The following CAVIN4 variants were observed in gnomAD, a reference collection of about 807,000 sequenced individuals.
CAVIN4 encodes the protein caveolae associated protein 4.
A neutral mutation model predicts 18.6 loss-of-function variants in CAVIN4; 10 were observed. The ratio of observed to expected loss-of-function variants is 0.54; its 90% confidence interval spans 0.33 to 0.91. CAVIN4 has a LOEUF of 0.91. Ranked by LOEUF, CAVIN4 falls within the 40% of genes least tolerant of loss-of-function variation. CAVIN4 has a pLI of 0.02. For synonymous variants in CAVIN4, 173 were observed against 164.8 expected (o/e 1.05, Z -0.38); for missense variants, 459 against 440.5 (o/e 1.04, Z -0.38).
chr9:100,586,116 A>C lies in CAVIN4; in HGVS notation c.760A>C (p.Arg254=), dbSNP rs776866140. 3.8e-6 allele frequency: 6 copies of C among 1,591,928 alleles called. No individual in the cohort carries two copies. The highest frequency in any genetic ancestry group is 5.1e-6 in the Non-Finnish European group (6 of 1,170,130). Residue 254 remains arginine (R), a synonymous_variant, in exon 2 of 2, where the codon AGG becomes CGG. Transcript: ENST00000307584. ...SGERLRQSGE[R]FKKSISNAAP... is the part of the protein sequence containing the mutation. ...GGAGAGGCTGAGACAGTCAGGGGAG[A>C]GGTTTAAGAAATCTATTTCTAATGC...
In CAVIN4 at chr9:100,580,090, A is replaced by G. The variant is rs564590265; in HGVS notation, c.408+1539A>G. 5.2e-3 allele frequency among the ~76,000 whole-genome samples: 499 copies of G among 95,064 alleles called. 5 individuals carry two copies. Among genetic ancestry groups the G allele is most frequent in the African/African-American group, 0.019 (431 of 23,158 alleles). The allele number at this position is 95,064 out of a possible 152,430, so 62.4% of individuals were successfully genotyped here. ...CCTTCTATAGGCTTAAAAATTTGGG[A>G]AAAAAAAAAAAAGCCTGGGCAATGT... On this transcript the variant is annotated intron_variant, in intron 1 of 1. Coordinates refer to ENST00000307584, the MANE Select transcript of CAVIN4 (RefSeq NM_001018116.2).
rs1353679589 is a variant in CAVIN4, at chr9:100,588,385, G to GA, written c.*1938dup. On this transcript the variant is annotated 3_prime_UTR_variant, in exon 2 of 2. Transcript: ENST00000307584. Reference sequence around the variant, plus strand: ...AGAACCATAATAAATTTGAATTTAAGAAAATGTTATTACAACATTTGATGT... The same window carrying GA: ...AGAACCATAATAAATTTGAATTTAAGAAAAATGTTATTACAACATTTGATGT... 1.3e-5 allele frequency among the ~76,000 whole-genome samples: 2 copies of GA among 152,152 alleles called. No individual in the cohort carries two copies. The highest frequency in any genetic ancestry group is 2.9e-5 in the Non-Finnish European group (2 of 68,032).
rs774296038 is a variant in CAVIN4, at chr9:100,586,025, T to C, written c.669T>C (p.Thr223=). 18 of 1,613,980 alleles carry C rather than the reference T, an allele frequency of 1.1e-5. No homozygotes were observed. Among genetic ancestry groups the C allele is most frequent in the Middle Eastern group, 1.6e-4 (1 of 6,082 alleles). Residue 223 remains threonine (T), a synonymous_variant, in exon 2 of 2, where the codon ACT becomes ACC. Coordinates refer to ENST00000307584, the MANE Select transcript of CAVIN4 (RefSeq NM_001018116.2). Reference sequence around the variant, plus strand: ...ACAAGAAAGTGAACAGAATTAGAACTAGAATAGTGACCCCGGAGAGGAGAG... The same window carrying C: ...ACAAGAAAGTGAACAGAATTAGAACCAGAATAGTGACCCCGGAGAGGAGAG... ...NLDKKVNRIR[T]RIVTPERRER...
intron 1 of CAVIN4, among the ~76,000 whole-genome samples, chr9:100,581,821 C>T (rs1340017801): frequency 6.6e-6 from 1 of 152,134 alleles, no homozygotes; most frequent in Non-Finnish European, 1.5e-5. Context: ...CCGTGCCAAC[C>T]CACATTGTGT....
intron 1 of CAVIN4, among the ~76,000 whole-genome samples, chr9:100,580,342 G>A (rs1839415013): frequency 6.6e-6 from 1 of 152,082 alleles, no homozygotes; most frequent in Non-Finnish European, 1.5e-5. Context: ...GATTTTCAGA[G>A]GCCAGTTCCA....
Position 100,586,029 on chromosome 9 carries a change from A to T in CAVIN4, c.673A>T (p.Ile225Leu). Residue 225 changes from isoleucine (I) to leucine (L), a missense_variant, in exon 2 of 2, where the codon ATA (isoleucine) becomes TTA (leucine). By Grantham distance (5) the Ile-to-Leu change is conservative (BLOSUM62 2). Coordinates refer to ENST00000307584, the MANE Select transcript of CAVIN4 (RefSeq NM_001018116.2). ...GAAAGTGAACAGAATTAGAACTAGA[A>T]TAGTGACCCCGGAGAGGAGAGAGAG... ...DKKVNRIRTR[I>L]VTPERRERLR... 6.2e-7 allele frequency: 1 copy of T among 1,614,210 alleles called. No individual in the cohort carries two copies. The highest frequency in any genetic ancestry group is 8.5e-7 in the Non-Finnish European group (1 of 1,180,022).
chr9:100,586,337 T>G lies in CAVIN4; in HGVS notation c.981T>G (p.Pro327=), dbSNP rs1191930325. ...ACGAGGCAGCCAGGCCGGTGTATCC[T>G]CCCCATGAAGGAAGGGAAATCCCCA... is the stretch of plus-strand genomic sequence containing the variant. ...PEHEAARPVY[P]PHEGREIPTP... The change falls in exon 2 of 2, where the codon CCT becomes CCG. Residue 327 remains proline, a synonymous_variant. Coordinates refer to ENST00000307584, the MANE Select transcript of CAVIN4 (RefSeq NM_001018116.2). 3.1e-6 allele frequency: 5 copies of G among 1,613,950 alleles called. No homozygotes were observed. The highest frequency in any genetic ancestry group is 1.7e-5 in the Admixed American group (1 of 59,998).
intron 1 of CAVIN4, chr9:100,581,436 T>A (rs1839426491): frequency 1.3e-5 from 2 of 152,338 alleles, no homozygotes; most frequent in South Asian, 4.1e-4. Flanking sequence ...AGCACAGTAT[T>A]CATTCTGTTA....
At position 100,578,249 on chromosome 9, in the gene CAVIN4, G is replaced by C. The variant is rs879571284; in HGVS notation, c.106G>C (p.Val36Leu). 3 of 1,614,014 alleles carry C rather than the reference G, an allele frequency of 1.9e-6. No individual in the cohort carries two copies. In the African/African-American group the frequency reaches 4.0e-5, roughly 22 times the overall value. Residue 36 changes from valine (V) to leucine (L), a missense_variant, in exon 1 of 2, where the codon GTG (valine) becomes CTG (leucine). Val to Leu is a conservative substitution (Grantham distance 32, BLOSUM62 1). Transcript: ENST00000307584. ...DQDAALTIVT[V>L]LDKVASIVDS... Reference sequence around the variant, plus strand: ...AGACGCTGCTCTTACCATTGTGACTGTGCTGGACAAAGTAGCCTCCATCGT... The same window carrying C: ...AGACGCTGCTCTTACCATTGTGACTCTGCTGGACAAAGTAGCCTCCATCGT...
intron 1 of CAVIN4, among the ~76,000 whole-genome samples, chr9:100,585,022 G>A (rs961686265): frequency 1.3e-5 from 2 of 152,208 alleles, no homozygotes; most frequent in Non-Finnish European, 2.9e-5. Context: ...TGAGCTCTTC[G>A]TTGAGTATTG....
chr9:100,586,171 G>T lies in CAVIN4; in HGVS notation c.815G>T (p.Arg272Leu). The change falls in exon 2 of 2, where the codon CGC becomes CTC. Residue 272 changes from arginine (R) to leucine (L), a missense_variant. Arg to Leu is a moderately radical substitution (Grantham distance 102, BLOSUM62 -2). Transcript: ENST00000307584. ...CCCTCAAAGGAAGCTTTTAAGATGCGCAGCCTCAGGAAAGGTAAGGACCGA... is the reference window on the plus strand; with the variant it reads ...CCCTCAAAGGAAGCTTTTAAGATGCTCAGCCTCAGGAAAGGTAAGGACCGA... ...AAPSKEAFKM[R>L]SLRKGKDRTV... 1 of 1,561,790 alleles carries T rather than the reference G, an allele frequency of 6.4e-7. No individual in the cohort carries two copies.
At chr9:100,580,661 T>C (rs1228763057) in intron 1 of CAVIN4, among the ~76,000 whole-genome samples, 1 of 152,240 alleles carries the variant, frequency 6.6e-6, no homozygotes, top group Non-Finnish European at 1.5e-5. Context: ...CTGCTAATTG[T>C]TCCTTTCTTT....
At chr9:100,581,632 ACTC>A (rs2118605773) in intron 1 of CAVIN4, among the ~76,000 whole-genome samples, 1 of 151,514 alleles carries the variant, frequency 6.6e-6, no homozygotes, top group East Asian at 1.9e-4. Context: ...TTCTGACTCT[ACTC>A]CTGTTTTGTT....
Position 100,578,351 on chromosome 9 carries a change from A to C in CAVIN4, c.208A>C (p.Ile70Leu), listed in dbSNP as rs1213918348. ...EMENAIKSVQIDLLKLSQSHS... is the reference protein window; with the variant it reads ...EMENAIKSVQLDLLKLSQSHS... ...GGAAAATGCCATAAAATCCGTCCAG[A>C]TTGACCTGTTGAAGCTTTCACAGTC... Residue 70 changes from isoleucine to leucine, a missense_variant, in exon 1 of 2, where the codon ATT becomes CTT. By Grantham distance (5) the Ile-to-Leu change is conservative. Transcript: ENST00000307584. 13 of 1,614,138 alleles carry C rather than the reference A, an allele frequency of 8.1e-6. No individual in the cohort carries two copies. Among genetic ancestry groups the C allele is most frequent in the Non-Finnish European group, 1.1e-5 (13 of 1,180,000 alleles).
At chr9:100,580,427 A>G (rs570638225) in intron 1 of CAVIN4, among the ~76,000 whole-genome samples, 5 of 152,366 alleles carry the variant, frequency 3.3e-5, no homozygotes, top group African/African-American at 1.2e-4. Context: ...AATTGTGGGT[A>G]TATCTTACCC....
At chr9:100,579,305 A>G (rs1285306356) in intron 1 of CAVIN4, among the ~76,000 whole-genome samples, 1 of 152,214 alleles carries the variant, frequency 6.6e-6, no homozygotes, top group Non-Finnish European at 1.5e-5. Flanking sequence ...GCAAATGCAT[A>G]ATATCTATGG....
Position 100,587,253 on chromosome 9 carries a change from T to G in CAVIN4, c.*802T>G, listed in dbSNP as rs2118618164. 6.6e-6 allele frequency: 1 copy of G among 152,334 alleles called. No individual in the cohort carries two copies. The highest frequency in any genetic ancestry group is 2.1e-4 in the South Asian group (1 of 4,818). The allele number at this position is 152,334 out of a possible 1,614,324, so 9.4% of individuals were successfully genotyped here. A position where few individuals can be genotyped will look rare whatever the true frequency, so the allele number is the denominator to read the frequency against. ...TTGGGTGACCACTTTTTCATCAGAC[T>G]AACTATATCTTGGGTTTTAGTTGGG... On this transcript the variant is annotated 3_prime_UTR_variant, in exon 2 of 2. Transcript: ENST00000307584.
rs187805475 is a variant in CAVIN4 at position 100,578,617 on chromosome 9, A to G, written c.408+66A>G. ...TTGCATCTTTTAATTGCCAAAAGTC[A>G]TATCAGAGGTTTCCAGTGTCACATC... On this transcript the variant is annotated intron_variant, in intron 1 of 1. Transcript: ENST00000307584. 14 of 1,492,358 alleles carry G rather than the reference A, an allele frequency of 9.4e-6. No individual in the cohort carries two copies. In the Admixed American group the frequency reaches 1.3e-4, roughly 14 times the overall value. The allele number at this position is 1,492,358 out of a possible 1,614,324, so 92.4% of individuals were successfully genotyped here.
chr9:100,583,796 C>A (rs1289568605), intron 1 of CAVIN4, among the ~76,000 whole-genome samples: 1 of 152,046 alleles, frequency 6.6e-6, no homozygotes, highest in East Asian at 1.9e-4. Context: ...ACAGGCATGT[C>A]CCACCACACC....
Sources: allele counts gnomAD v4.1 joint callset (sites outside exome capture counted in the v4.1 genomes callset), GRCh38; gene constraint gnomAD v4.1.1; transcripts MANE v1.5; gene names NCBI Gene and HGNC (gene_info 2026-07-23, HGNC 2026-07-21).